The following PRPF19 variants were observed in gnomAD, a reference collection of about 807,000 sequenced individuals.
PRPF19 encodes the protein pre-mRNA processing factor 19, also known as pre-mRNA-processing factor 19.
PRPF19 carries 2 observed loss-of-function variants against 64.2 expected under a neutral mutation model. That is an observed-to-expected ratio of 0.03 (90% CI 0.01 to 0.10). PRPF19 has a LOEUF of 0.10. PRPF19 is among the 10% of genes least tolerant of loss of function. PRPF19 has a pLI of 1.00. For missense variants in PRPF19, 314 were observed against 650.0 expected (o/e 0.48, Z 5.62); for synonymous variants, 226 against 251.6 (o/e 0.90, Z 0.96).
chr11:60,903,943 C>T (rs774800423), intron 1 of PRPF19, 82 bp from the exon 2 acceptor site: 1 of 1,503,410 alleles, frequency 6.7e-7, no homozygotes, highest in Admixed American at 2.2e-5. Context: ...TTAGCCCCAA[C>T]AAGACTAGGC....
At chr11:60,896,190 C>T (rs567287330) in intron 15 of PRPF19, among the ~76,000 whole-genome samples, 36 of 152,210 alleles carry the variant, frequency 2.4e-4, no homozygotes, top group Non-Finnish European at 4.4e-4. Flanking sequence ...CTATACTATA[C>T]TTTTTTTGGT....
At chr11:60,901,669 G>T in intron 6 of PRPF19, 129 bp from the exon 7 acceptor site, 1 of 1,022,140 alleles carries the variant, frequency 9.8e-7, no homozygotes, top group Non-Finnish European at 1.5e-6. Flanking sequence ...TACGTTACAG[G>T]CTTAAAGGCA....
chr11:60,892,296 C>T (rs1226319471), intron 15 of PRPF19, among the ~76,000 whole-genome samples: 1 of 152,202 alleles, frequency 6.6e-6, no homozygotes, highest in African/African-American at 2.4e-5. Flanking sequence ...TAATCTACAT[C>T]TGCCTTACTA....
intron 15 of PRPF19, among the ~76,000 whole-genome samples, chr11:60,896,283 G>A (rs1855919886): frequency 6.6e-6 from 1 of 152,212 alleles, no homozygotes; most frequent in African/African-American, 2.4e-5. Context: ...TATCCGAGAA[G>A]AAGGCATTAT....
At chr11:60,905,674 G>A (rs1565112628) in intron 1 of PRPF19, among the ~76,000 whole-genome samples, 1 of 152,336 alleles carries the variant, frequency 6.6e-6, no homozygotes, top group East Asian at 1.9e-4. Flanking sequence ...GATAAGCCCC[G>A]CTCTTCCTGC....
At chr11:60,901,020 C>T in intron 8 of PRPF19, 91 bp from the exon 9 acceptor site, 9 of 1,431,276 alleles carry the variant, frequency 6.3e-6, no homozygotes, top group Non-Finnish European at 8.8e-6. Flanking sequence ...TCCAGTCACC[C>T]ATGTTCTCAG....
chr11:60,902,317 C>A lies in PRPF19; in HGVS notation c.525+86G>T. 1 of 1,458,364 alleles carries A rather than the reference C, an allele frequency of 6.9e-7. No homozygotes were observed. The highest frequency in any genetic ancestry group is 1.8e-5 in the Admixed American group (1 of 57,046). The allele number at this position is 1,458,364 out of a possible 1,614,324, so 90.3% of individuals were successfully genotyped here. A position where few individuals can be genotyped will look rare whatever the true frequency, so the allele number is the denominator to read the frequency against. On this transcript the variant is annotated intron_variant, in intron 6 of 15. Transcript: ENST00000227524. The surrounding 1 kb of genome is among the most constrained non-coding windows in gnomAD (Gnocchi z 5.0). ...CTGCACCACTCAACTCCCAAAAGCA[C>A]AGTGATTTTAGTCACGATGGACTCC...
In PRPF19 at chr11:60,898,644, G is replaced by T. The variant is rs3763841; in HGVS notation, c.1055-18C>A. The T allele has an allele frequency of 0.39, 623,234 of 1,613,672 alleles. 122,727 individuals carry two copies. Among genetic ancestry groups the T allele is most frequent in the Admixed American group, 0.42 (24,974 of 59,988 alleles). ...GGTGAGAGCTGTGGAGGAGGGAAGAGAGACCTGTGGTCAGAGCCCACCAGG... is the reference window on the plus strand; with the variant it reads ...GGTGAGAGCTGTGGAGGAGGGAAGATAGACCTGTGGTCAGAGCCCACCAGG... On this transcript the variant is annotated intron_variant, in intron 12 of 15. Coordinates refer to ENST00000227524, the MANE Select transcript of PRPF19 (RefSeq NM_014502.5). This position sits in a 1 kb window ranked among gnomAD's most constrained non-coding sequence, Gnocchi z 4.6.
rs192501730 is a variant in PRPF19, at chr11:60,898,082, C to T, written c.1311+19G>A. ...CAAGGAGACACAATGGAAAGCTGGG[C>T]GGAGGGGGAAGGGCACACCTCAAAG... On this transcript the variant is annotated intron_variant, in intron 14 of 15. Coordinates refer to ENST00000227524, the MANE Select transcript of PRPF19 (RefSeq NM_014502.5). This position sits in a 1 kb window ranked among gnomAD's most constrained non-coding sequence, Gnocchi z 4.6. The T allele has an allele frequency of 5.6e-4, 902 of 1,610,728 alleles. 9 individuals are homozygous for T. The East Asian group carries it at 0.016, about 28-fold the overall frequency.
At chr11:60,906,229 G>A in intron 1 of PRPF19, 135 bp downstream of exon 1, 1 of 1,364,876 alleles carries the variant, frequency 7.3e-7, no homozygotes, top group South Asian at 1.6e-5. Flanking sequence ...CTCCGGTGCT[G>A]ACAGGCCGCC....
chr11:60,898,464 A>G lies in PRPF19; in HGVS notation c.1140+77T>C. On this transcript the variant is annotated intron_variant, in intron 13 of 15. Coordinates refer to ENST00000227524, the MANE Select transcript of PRPF19 (RefSeq NM_014502.5). This position sits in a 1 kb window ranked among gnomAD's most constrained non-coding sequence, Gnocchi z 4.6. ...TCCACCTTCAGGGCCAGGTGCCACA[A>G]GCACCTAATTAGCACTGCATTGTCA... The G allele has an allele frequency of 6.2e-7, 1 of 1,603,496 alleles. No individual in the cohort carries two copies. The highest frequency in any genetic ancestry group is 2.2e-5 in the East Asian group (1 of 44,696).
In PRPF19 at chr11:60,898,036, A is replaced by T; in HGVS notation, c.1311+65T>A. ...CGGATAAGCAGAAGCAATTAGATTA[A>T]TTCAATAAATAATTGACAAACAAGG... On this transcript the variant is annotated intron_variant, in intron 14 of 15. Transcript: ENST00000227524. The surrounding 1 kb of genome is among the most constrained non-coding windows in gnomAD (Gnocchi z 4.6). The T allele has an allele frequency of 1.7e-5, 28 of 1,606,634 alleles. No homozygotes were observed. Among genetic ancestry groups the T allele is most frequent in the Non-Finnish European group, 2.3e-5 (27 of 1,174,766 alleles).
At position 60,891,067 on chromosome 11, in the gene PRPF19, AG is replaced by A; in HGVS notation, c.*98del. ...ATGATGTGAATGTCCCACCCCACAG[AG>A]CCCCCTCCCCCCATAGATTCCCCCC... On this transcript the variant is annotated 3_prime_UTR_variant, in exon 16 of 16. Coordinates refer to ENST00000227524, the MANE Select transcript of PRPF19 (RefSeq NM_014502.5). The A allele has an allele frequency of 3.6e-6, 1 of 275,290 alleles. No homozygotes were observed. The highest frequency in any genetic ancestry group is 2.6e-5 in the South Asian group (1 of 38,732). The allele number at this position is 275,290 out of a possible 1,614,324, so 17.1% of individuals were successfully genotyped here.
chr11:60,900,832 C>T (rs201654787), intron 9 of PRPF19, 22 bp downstream of exon 9: 405 of 1,614,008 alleles, frequency 2.5e-4, no homozygotes, highest in Non-Finnish European at 3.2e-4. Context: ...TTTGGCCTGC[C>T]GGGCTAGGCC....
intron 6 of PRPF19, 40 bp from the exon 7 acceptor site, chr11:60,901,580 C>G (rs762573914): frequency 1.2e-5 from 19 of 1,611,814 alleles, no homozygotes; most frequent in Non-Finnish European, 1.6e-5. Context: ...AATCATCTTG[C>G]AAGGAGAAAA....
chr11:60,899,116 C>G (rs1162389465), intron 11 of PRPF19, 33 bp downstream of exon 11: 21 of 1,593,074 alleles, frequency 1.3e-5, no homozygotes, highest in Non-Finnish European at 1.7e-5. Context: ...TGGGGACCAG[C>G]AGGCCTCTCC....
In PRPF19 at chr11:60,891,068, G is replaced by GCCCC; in HGVS notation, c.*94_*97dup. ...TGATGTGAATGTCCCACCCCACAGA[G>GCCCC]CCCCCTCCCCCCATAGATTCCCCCC... On this transcript the variant is annotated 3_prime_UTR_variant, in exon 16 of 16. Coordinates refer to ENST00000227524, the MANE Select transcript of PRPF19 (RefSeq NM_014502.5). 1.9e-5 allele frequency: 4 copies of GCCCC among 215,906 alleles called. No homozygotes were observed. Among genetic ancestry groups the GCCCC allele is most frequent in the South Asian group, 3.4e-5 (1 of 29,644 alleles). The allele number at this position is 215,906 out of a possible 1,614,324, so 13.4% of individuals were successfully genotyped here.
chr11:60,898,741 G>A lies in PRPF19; in HGVS notation c.1055-115C>T, dbSNP rs545771196. 4.0e-5 allele frequency: 62 copies of A among 1,557,118 alleles called. No homozygotes were observed. Among genetic ancestry groups the A allele is most frequent in the South Asian group, 7.0e-5 (6 of 85,748 alleles). ...CCTCAGTGAACCCAGCACAAAGCCC[G>A]CACTAGACAGGTGCTCATGGTAAAT... is the stretch of plus-strand genomic sequence containing the variant. On this transcript the variant is annotated intron_variant, in intron 12 of 15. Coordinates refer to ENST00000227524, the MANE Select transcript of PRPF19 (RefSeq NM_014502.5). The surrounding 1 kb of genome is among the most constrained non-coding windows in gnomAD (Gnocchi z 4.6).
At chr11:60,901,725 T>C (rs476182) in intron 6 of PRPF19, among the ~76,000 whole-genome samples, 185 bp from the exon 7 acceptor site, 142,455 of 152,298 alleles carry the variant, frequency 0.94, 66,912 homozygotes, top group East Asian at 1. Flanking sequence ...GGGGTGTTGA[T>C]GACCTTATTT....
Sources: allele counts gnomAD v4.1 joint callset (sites outside exome capture counted in the v4.1 genomes callset), GRCh38; gene constraint gnomAD v4.1.1; non-coding constraint Gnocchi (gnomAD v3.1); transcripts MANE v1.5; gene names NCBI Gene and HGNC (gene_info 2026-07-23, HGNC 2026-07-21).